Variants in HSP90AA1 observed in about 807,000 individuals in gnomAD.
HSP90AA1 encodes the protein heat shock protein HSP 90-alpha.
HSP90AA1 carries 18 observed loss-of-function variants against 73.3 expected under a neutral mutation model. The observed-to-expected ratio is 0.25, with a 90% CI of 0.17 to 0.36. The LOEUF (loss-of-function observed/expected upper bound fraction) is 0.36, where lower values mean the gene tolerates loss of function less well. HSP90AA1 is among the 10% of genes least tolerant of loss of function. The pLI is 1.00. For synonymous variants in HSP90AA1, 477 were observed against 296.9 expected (o/e 1.61, Z -6.24); for missense variants, 704 against 874.2 (o/e 0.81, Z 2.45).
At chr14:102,107,631 G>A (rs778118851) in intron 1 of HSP90AA1, among the ~76,000 whole-genome samples, 1 of 151,980 alleles carries the variant, frequency 6.6e-6, no homozygotes, top group Non-Finnish European at 1.5e-5. Context: ...CCTAGCCCCT[G>A]GTTTTGCAGA....
intron 1 of HSP90AA1, among the ~76,000 whole-genome samples, chr14:102,117,756 C>T (rs1411546391): frequency 1.3e-5 from 2 of 152,144 alleles, no homozygotes; most frequent in East Asian, 3.9e-4. Flanking sequence ...TAAAACATGC[C>T]CACTGCTCAC....
chr14:102,083,705 T>G lies in HSP90AA1; in HGVS notation c.1339-12A>C, dbSNP rs1023636506. 1 of 1,606,312 alleles carries G rather than the reference T, an allele frequency of 6.2e-7. No homozygotes were observed. Reference sequence around the variant, plus strand: ...TCGTGTATTCCAAGCTGAAACAAAGTATGTTCTTTACAAAGACTTTCTGAA... The same window carrying G: ...TCGTGTATTCCAAGCTGAAACAAAGGATGTTCTTTACAAAGACTTTCTGAA... On this transcript the variant is annotated splice_polypyrimidine_tract_variant and intron_variant, in intron 7 of 10. Transcript: ENST00000216281.
chr14:102,087,504 C>T (rs17523505), upstream of HSP90AA1, among the ~76,000 whole-genome samples: 78 of 152,056 alleles, frequency 5.1e-4, 1 homozygote, highest in African/African-American at 1.8e-3. Context: ...GAGGGAGGGT[C>T]GTGCGTGGAC....
Position 102,086,089 on chromosome 14 carries a change from A to T in HSP90AA1, c.198T>A (p.Asp66Glu). The T allele has an allele frequency of 6.2e-7, 1 of 1,614,030 alleles. No homozygotes were observed. The highest frequency in any genetic ancestry group is 8.5e-7 in the Non-Finnish European group (1 of 1,179,922). The change falls in exon 3 of 11, where the codon GAT becomes GAA. Residue 66 changes from aspartate (D) to glutamate (E), a missense_variant. Coordinates refer to ENST00000216281, the MANE Select transcript of HSP90AA1 (RefSeq NM_005348.4). ...CTTTCCCAGAGTCTAATTTACTGGG[A>T]TCTGTCAAGCTTTCATACCGGATTT... is the stretch of plus-strand genomic sequence containing the variant. ...LDKIRYESLTDPSKLDSGKEL... is the reference protein window; with the variant it reads ...LDKIRYESLTEPSKLDSGKEL...
intron 1 of HSP90AA1, among the ~76,000 whole-genome samples, chr14:102,110,553 G>A (rs1165799959): frequency 6.7e-6 from 1 of 148,768 alleles, no homozygotes; most frequent in African/African-American, 2.5e-5. Context: ...CCAAGCAGCT[G>A]GGATTACAGG....
Position 102,086,339 on chromosome 14 carries a change from C to T in HSP90AA1, c.40G>A (p.Glu14Lys). ...AAGGCGAACGTCTCAACCTCCTCCT[C>T]CTCCATCGGTTGGTCTTGGGTCTGG... Reference protein sequence around the residue: ...ETQTQDQPMEEEEVETFAFQA... With the variant: ...ETQTQDQPMEKEEVETFAFQA... Residue 14 changes from glutamate (E) to lysine (K), a missense_variant, in exon 2 of 11, where the codon GAG (glutamate) becomes AAG (lysine). Glu to Lys is a moderately conservative substitution (Grantham distance 56). Coordinates refer to ENST00000216281, the MANE Select transcript of HSP90AA1 (RefSeq NM_005348.4). The T allele has an allele frequency of 6.2e-7, 1 of 1,614,214 alleles. No individual in the cohort carries two copies. The highest frequency in any genetic ancestry group is 8.5e-7 in the Non-Finnish European group (1 of 1,180,042).
chr14:102,086,177 C>A (rs1341593463), intron 2 of HSP90AA1, 40 bp downstream of exon 2: 1 of 1,614,152 alleles, frequency 6.2e-7, no homozygotes, highest in Admixed American at 1.7e-5. Context: ...GAAGTTCACA[C>A]TGAAACCAAA....
Position 102,085,829 on chromosome 14 carries a change from T to G in HSP90AA1, c.458A>C (p.Lys153Thr). The change falls in exon 3 of 11, where the codon AAA becomes ACA. Residue 153 changes from lysine to threonine, a missense_variant. By Grantham distance (78) the Lys-to-Thr change is moderately conservative. Transcript: ENST00000216281. ...AGCGTACTGCTCATCATCGTTATGT[T>G]TGGTGATCACAGTTACTTTCTCAGC... ...LVAEKVTVIT[K>T]HNDDEQYAWE... 6.2e-7 allele frequency: 1 copy of G among 1,613,940 alleles called. No homozygotes were observed. Among genetic ancestry groups the G allele is most frequent in the Non-Finnish European group, 8.5e-7 (1 of 1,179,852 alleles).
At chr14:102,093,597 G>A (rs1378760965) in intron 2 of HSP90AA1, among the ~76,000 whole-genome samples, 2 of 152,054 alleles carry the variant, frequency 1.3e-5, no homozygotes, top group Non-Finnish European at 2.9e-5. Flanking sequence ...CCTGCCACTC[G>A]CTGGCTGTGT....
upstream of HSP90AA1, chr14:102,087,195 G>A (rs1338942367): frequency 2.0e-6 from 2 of 980,002 alleles, no homozygotes; most frequent in Admixed American, 6.2e-5. Context: ...GCGGCACCCC[G>A]CCCCCGCGCC....
At chr14:102,083,521 T>TG in intron 8 of HSP90AA1, 25 bp downstream of exon 8, 1 of 1,609,436 alleles carries the variant, frequency 6.2e-7, no homozygotes. Flanking sequence ...ACGACGTGTA[T>TG]GACTGTAACA....
At chr14:102,090,427 T>C (rs576913308), upstream of HSP90AA1, among the ~76,000 whole-genome samples, 1 of 150,528 alleles carries the variant, frequency 6.6e-6, no homozygotes, top group East Asian at 2.0e-4. Context: ...TCCAGCCTCC[T>C]CCTCTTCCTT....
chr14:102,086,877 C>T (rs2049254044), intron 1 of HSP90AA1, 109 bp downstream of exon 1: 1 of 625,284 alleles, frequency 1.6e-6, no homozygotes, highest in Non-Finnish European at 2.0e-6. Context: ...GAGCGCGGCC[C>T]TGGCTGCTTC....
Position 102,087,009 on chromosome 14 carries a change from C to G in HSP90AA1, c.-24G>C. 4.1e-6 allele frequency: 4 copies of G among 985,414 alleles called. No homozygotes were observed. Among genetic ancestry groups the G allele is most frequent in the Non-Finnish European group, 4.8e-6 (4 of 830,154 alleles). 61.0% of individuals were successfully genotyped at this position (985,414 alleles called of 1,614,324 possible). The stretch of plus-strand genomic sequence containing the variant: ...ACCTTGGCTAAGTGACCGCACAGGA[C>G]CAACGGCACAGCCACACCGGGACGC... On this transcript the variant is annotated 5_prime_UTR_variant, in exon 1 of 11. Transcript: ENST00000216281.
At chr14:102,136,562 C>CAT (rs10641582) in intron 1 of HSP90AA1, among the ~76,000 whole-genome samples, 2 of 118,424 alleles carry the variant, frequency 1.7e-5, no homozygotes, top group Non-Finnish European at 3.3e-5. Context: ...GAGTGAGACT[C>CAT]GTCTCAAAAA....
chr14:102,125,874 C>G (rs1037849125), intron 1 of HSP90AA1, among the ~76,000 whole-genome samples: 1 of 151,074 alleles, frequency 6.6e-6, no homozygotes, highest in Admixed American at 6.6e-5. Flanking sequence ...ATGTCAGGCC[C>G]CAATCTACAC....
intron 1 of HSP90AA1, among the ~76,000 whole-genome samples, chr14:102,119,871 T>C (rs1047868076): frequency 1.3e-5 from 2 of 152,182 alleles, no homozygotes; most frequent in Non-Finnish European, 2.9e-5. Flanking sequence ...GGAGTGTCTA[T>C]ATGATCCATA....
Position 102,081,098 on chromosome 14 carries a change from G to A in HSP90AA1, c.*614C>T, listed in dbSNP as rs549111987. On this transcript the variant is annotated 3_prime_UTR_variant, in exon 11 of 11. Transcript: ENST00000216281. The stretch of plus-strand genomic sequence containing the variant: ...CAACTTTAAGCAGAATGTGACTCGA[G>A]CACTACATTTCCATCCACAAGACTG... 2 of 228,738 alleles carry A rather than the reference G, an allele frequency of 8.7e-6. No homozygotes were observed. The highest frequency in any genetic ancestry group is 8.7e-6 in the Non-Finnish European group (1 of 115,424). 14.2% of individuals were successfully genotyped at this position (228,738 alleles called of 1,614,324 possible). A position where few individuals can be genotyped will look rare whatever the true frequency, so the allele number is the denominator to read the frequency against.
upstream of HSP90AA1, among the ~76,000 whole-genome samples, chr14:102,090,249 C>T (rs770532212): frequency 1.3e-4 from 20 of 152,178 alleles, no homozygotes; most frequent in Admixed American, 9.8e-4. Flanking sequence ...TCTGCTCACA[C>T]ATTTTCTTAG....
Sources: allele counts gnomAD v4.1 joint callset (sites outside exome capture counted in the v4.1 genomes callset), GRCh38; gene constraint gnomAD v4.1.1; transcripts MANE v1.5; gene names NCBI Gene and HGNC (gene_info 2026-07-23, HGNC 2026-07-21).